Variants in PAK5 observed in about 807,000 individuals in gnomAD.
The protein encoded by PAK5 is serine/threonine-protein kinase PAK 5.
Under a neutral mutation model 65.9 loss-of-function variants are expected in PAK5, and 16 were observed. That is an observed-to-expected ratio of 0.24 (90% confidence interval 0.16 to 0.37). PAK5 has a LOEUF of 0.37. Ranked by LOEUF, PAK5 falls within the 10% of genes least tolerant of loss-of-function variation. The pLI is 1.00. For synonymous variants in PAK5, 371 were observed against 354.9 expected (o/e 1.05, Z -0.51); for missense variants, 785 against 903.9 (o/e 0.87, Z 1.69).
intron 7 of PAK5, among the ~76,000 whole-genome samples, chr20:9,545,297 G>C (rs552040075): frequency 6.6e-5 from 10 of 152,064 alleles, no homozygotes; most frequent in Non-Finnish European, 1.3e-4. Context: ...TGGGTGTTAG[G>C]CACCCTGCTG....
chr20:9,816,228 T>A (rs1000460747), intron 1 of PAK5, among the ~76,000 whole-genome samples: 2 of 152,092 alleles, frequency 1.3e-5, no homozygotes, highest in African/African-American at 2.4e-5. Flanking sequence ...CTGGGAAATT[T>A]AAAAAATTAA....
intron 2 of PAK5, among the ~76,000 whole-genome samples, chr20:9,703,086 C>T (rs1182864458): frequency 6.6e-6 from 1 of 152,164 alleles, no homozygotes; most frequent in Non-Finnish European, 1.5e-5. Flanking sequence ...TAACATCCCT[C>T]CTCTCTGAGC....
chr20:9,759,542 T>C (rs985014304), intron 1 of PAK5, among the ~76,000 whole-genome samples: 1 of 152,030 alleles, frequency 6.6e-6, no homozygotes, highest in Non-Finnish European at 1.5e-5. Flanking sequence ...TCAGAGTCAG[T>C]AGGTGAGGAG....
rs1569079127 is a variant in PAK5, at chr20:9,766,400, TCAAGCAGAATATATATGTATATATA to T, written c.-161-54990_-161-54966del. On this transcript the variant is annotated intron_variant, in intron 1 of 9. Coordinates refer to ENST00000353224, the MANE Select transcript of PAK5 (RefSeq NM_177990.4). ...GCAGAATATATATGTATATATATATTCAAGCAGAATATATATGTATATATATATTCAAGCAGAATATATATGTATA... is the reference window on the plus strand; with the variant it reads ...GCAGAATATATATGTATATATATATTTATTCAAGCAGAATATATATGTATA... 8.8e-4 allele frequency among the ~76,000 whole-genome samples: 48 copies of T among 54,348 alleles called. 2 individuals are homozygous for T. Among genetic ancestry groups the T allele is most frequent in the African/African-American group, 1.4e-3 (15 of 10,906 alleles). The allele number at this position is 54,348 out of a possible 152,430, so 35.7% of individuals were successfully genotyped here.
At chr20:9,691,853 G>A (rs574697659) in intron 2 of PAK5, among the ~76,000 whole-genome samples, 2 of 152,148 alleles carry the variant, frequency 1.3e-5, no homozygotes, top group South Asian at 2.1e-4. Flanking sequence ...TTTATTTGAG[G>A]TCATTAGTTT....
At chr20:9,606,122 G>A (rs1402042741) in intron 3 of PAK5, among the ~76,000 whole-genome samples, 1 of 152,074 alleles carries the variant, frequency 6.6e-6, no homozygotes. Flanking sequence ...TGGATCATGG[G>A]GGGTGAACTT....
At chr20:9,782,617 G>C (rs1005107403) in intron 1 of PAK5, among the ~76,000 whole-genome samples, 1 of 152,112 alleles carries the variant, frequency 6.6e-6, no homozygotes, top group Non-Finnish European at 1.5e-5. Flanking sequence ...AGGGGTCCCT[G>C]GGTGCTCTGA....
chr20:9,619,344 C>T (rs1569003018), intron 3 of PAK5, among the ~76,000 whole-genome samples: 1 of 152,160 alleles, frequency 6.6e-6, no homozygotes, highest in Non-Finnish European at 1.5e-5. Flanking sequence ...TTATCTAGGA[C>T]ATGGCAAGAT....
intron 1 of PAK5, among the ~76,000 whole-genome samples, chr20:9,824,262 C>T (rs2049458988): frequency 6.6e-6 from 1 of 152,150 alleles, no homozygotes; most frequent in African/African-American, 2.4e-5. Context: ...TATTAAATCT[C>T]CAAAAGGAAG....
intron 3 of PAK5, among the ~76,000 whole-genome samples, chr20:9,596,590 A>T (rs1037525878): frequency 2.7e-4 from 39 of 144,494 alleles, no homozygotes; most frequent in African/African-American, 9.7e-4. Flanking sequence ...GAGCTGAGAT[A>T]GCACTACTGC....
At chr20:9,605,629 G>T (rs73063767) in intron 3 of PAK5, among the ~76,000 whole-genome samples, 1 of 152,134 alleles carries the variant, frequency 6.6e-6, no homozygotes, top group African/African-American at 2.4e-5. Context: ...TCCCCACTGG[G>T]TTAAAAGTGA....
At chr20:9,729,490 T>C (rs540295115) in intron 1 of PAK5, among the ~76,000 whole-genome samples, 2 of 152,038 alleles carry the variant, frequency 1.3e-5, no homozygotes, top group Admixed American at 6.6e-5. Context: ...CGAGGTATTA[T>C]ATAAAAGACC....
intron 7 of PAK5, among the ~76,000 whole-genome samples, chr20:9,555,822 G>A (rs543873858): frequency 1.4e-4 from 22 of 152,252 alleles, no homozygotes; most frequent in African/African-American, 5.3e-4. Context: ...GCCTCCTTTG[G>A]TGCTCTTGGG....
chr20:9,577,224 T>C (rs1264875326), intron 4 of PAK5: 4 of 151,438 alleles, frequency 2.6e-5, no homozygotes, highest in African/African-American at 7.3e-5. Context: ...CACTTAAATG[T>C]AGGGAGAGGA....
intron 2 of PAK5, among the ~76,000 whole-genome samples, chr20:9,708,133 T>C (rs1188832211): frequency 1.3e-5 from 2 of 152,192 alleles, no homozygotes; most frequent in Non-Finnish European, 2.9e-5. Context: ...TATCTCAGAA[T>C]CTAAATAGTG....
chr20:9,544,294 A>T lies in PAK5; in HGVS notation c.1869+75T>A, dbSNP rs2045310381. ...GTCATTGCCCCCATCTCCTGTGGTCACCAACTATCTCAGAACCAATGGGTC... is the reference window on the plus strand; with the variant it reads ...GTCATTGCCCCCATCTCCTGTGGTCTCCAACTATCTCAGAACCAATGGGTC... On this transcript the variant is annotated intron_variant, in intron 8 of 9. Coordinates refer to ENST00000353224, the MANE Select transcript of PAK5 (RefSeq NM_177990.4). The T allele has an allele frequency of 2.0e-6, 3 of 1,511,682 alleles. No homozygotes were observed. In the Admixed American group the frequency reaches 5.5e-5, roughly 28 times the overall value. The allele number at this position is 1,511,682 out of a possible 1,614,324, so 93.6% of individuals were successfully genotyped here.
At chr20:9,636,238 A>G (rs2046981954) in intron 3 of PAK5, among the ~76,000 whole-genome samples, 1 of 152,232 alleles carries the variant, frequency 6.6e-6, no homozygotes, top group African/African-American at 2.4e-5. Flanking sequence ...TCTAAATACA[A>G]TGCAAAATTG....
At chr20:9,549,374 A>G (rs1437749088) in intron 7 of PAK5, among the ~76,000 whole-genome samples, 1 of 152,148 alleles carries the variant, frequency 6.6e-6, no homozygotes, top group Non-Finnish European at 1.5e-5. Context: ...ACGTAGGCCA[A>G]TTGGAACCTA....
rs184221987 is a variant in PAK5, at chr20:9,738,136, G to A, written c.-161-26701C>T. ...AGCCTGGTTACAGAGAGTGAGACTC[G>A]GTCTCAAAAACAAAAAACAAACAAA... On this transcript the variant is annotated intron_variant, in intron 1 of 9. Transcript: ENST00000353224. Among the ~76,000 whole-genome samples, 131 of 151,062 alleles carry A rather than the reference G, an allele frequency of 8.7e-4. 1 individual carries two copies. The highest frequency in any genetic ancestry group is 1.4e-3 in the Non-Finnish European group (97 of 67,864).
Sources: allele counts gnomAD v4.1 joint callset (sites outside exome capture counted in the v4.1 genomes callset), GRCh38; gene constraint gnomAD v4.1.1; transcripts MANE v1.5; gene names NCBI Gene and HGNC (gene_info 2026-07-23, HGNC 2026-07-21).